Variants in PON1 observed in about 807,000 individuals in gnomAD.
PON1 encodes the protein paraoxonase 1.
In PON1, 37 loss-of-function variants were observed where a neutral mutation model predicts 39.2. That is an observed-to-expected ratio of 0.94 (90% CI 0.73 to 1.24). PON1 has a LOEUF of 1.24. Ranked by LOEUF, PON1 falls within the 50% of genes most tolerant of loss-of-function variation. The pLI is 0.00. For missense variants in PON1, 397 were observed against 413.5 expected (o/e 0.96, Z 0.35); for synonymous variants, 148 against 152.2 (o/e 0.97, Z 0.21).
At chr7:95,307,942 A>C (rs1807574581) in intron 6 of PON1, 69 bp downstream of exon 6, 1 of 1,417,066 alleles carries the variant, frequency 7.1e-7, no homozygotes, top group South Asian at 1.2e-5. Context: ...TTACTTAAAA[A>C]AAGAATATAT....
intron 1 of PON1, among the ~76,000 whole-genome samples, chr7:95,322,455 G>T (rs1041210593): frequency 5.9e-5 from 9 of 151,976 alleles, no homozygotes; most frequent in Non-Finnish European, 2.9e-5. Flanking sequence ...TAACTTGAAA[G>T]TTGCAGAAAT....
In PON1 at chr7:95,312,934, A is replaced by G. The variant is rs544244561; in HGVS notation, c.371-1357T>C. On this transcript the variant is annotated intron_variant, in intron 4 of 8. Coordinates refer to ENST00000222381, the MANE Select transcript of PON1 (RefSeq NM_000446.7). ...GGGAGAGTGAGAGGGCTGAAACCAC[A>G]GGGAGCCAGAATCAGTCTTGTTAGG... Among the ~76,000 whole-genome samples, 3 of 152,364 alleles carry G rather than the reference A, an allele frequency of 2.0e-5. No homozygotes were observed. In the South Asian group the frequency reaches 6.2e-4, roughly 32 times the overall value.
At chr7:95,316,493 T>A (rs879033897) in intron 3 of PON1, among the ~76,000 whole-genome samples, 1 of 152,184 alleles carries the variant, frequency 6.6e-6, no homozygotes, top group South Asian at 2.1e-4. Flanking sequence ...ACAAAAAAAT[T>A]GCTGCAATAG....
chr7:95,324,425 G>C lies in PON1; in HGVS notation c.51C>G (p.Phe17Leu), dbSNP rs763313991. The change falls in exon 1 of 9, where the codon TTC (phenylalanine) becomes TTG (leucine). Residue 17 changes from phenylalanine (F) to leucine (L), a missense_variant. Coordinates refer to ENST00000222381, the MANE Select transcript of PON1 (RefSeq NM_000446.7). ...ACTGGTAAGAAGACTGGTGGTTCCT[G>C]AAGAGTGCCAGTCCCATCCCCAAGA... ...LTLLGMGLAL[F>L]RNHQSSYQTR... 1.2e-6 allele frequency: 2 copies of C among 1,614,204 alleles called. No individual in the cohort carries two copies. The highest frequency in any genetic ancestry group is 1.7e-5 in the Admixed American group (1 of 60,034).
intron 8 of PON1, among the ~76,000 whole-genome samples, chr7:95,301,772 T>C (rs1232915332): frequency 6.6e-6 from 1 of 151,748 alleles, no homozygotes; most frequent in East Asian, 1.9e-4. Flanking sequence ...TCTATCCATG[T>C]CCCCCCTTTT....
At chr7:95,311,608 A>T in intron 4 of PON1, 31 bp from the exon 5 acceptor site, 1 of 1,613,592 alleles carries the variant, frequency 6.2e-7, no homozygotes. Flanking sequence ...AAAATGAAAC[A>T]TTAACTAAGC....
At chr7:95,307,535 A>G (rs970851352) in intron 6 of PON1, among the ~76,000 whole-genome samples, 8 of 152,250 alleles carry the variant, frequency 5.3e-5, no homozygotes, top group Non-Finnish European at 1.0e-4. Context: ...ATGAGATAAC[A>G]TTATAAATCA....
intron 5 of PON1, among the ~76,000 whole-genome samples, 155 bp from the exon 6 acceptor site, chr7:95,308,366 T>A (rs576780277): frequency 1.5e-5 from 2 of 136,450 alleles, no homozygotes; most frequent in Non-Finnish European, 3.0e-5. Flanking sequence ...ATGAAATTAG[T>A]CCTGCCGATA....
chr7:95,301,923 T>TA lies in PON1; in HGVS notation c.909+281dup, dbSNP rs10638749. Among the ~76,000 whole-genome samples, 64,206 of 135,460 alleles carry TA rather than the reference T, an allele frequency of 0.47. 15,778 individuals carry two copies. The highest frequency in any genetic ancestry group is 0.83 in the East Asian group (3,747 of 4,512). 88.9% of individuals were successfully genotyped at this position (135,460 alleles called of 152,430 possible). A position where few individuals can be genotyped will look rare whatever the true frequency, so the allele number is the denominator to read the frequency against. ...CAACAGGATGAAACCCTGTCTCTACTAAAAAAAAAAAAAAATACAAAAAAT... is the reference window on the plus strand; with the variant it reads ...CAACAGGATGAAACCCTGTCTCTACTAAAAAAAAAAAAAAAATACAAAAAAT... On this transcript the variant is annotated intron_variant, in intron 8 of 8. Transcript: ENST00000222381.
At chr7:95,309,860 C>A (rs184689850) in intron 5 of PON1, among the ~76,000 whole-genome samples, 59 of 152,112 alleles carry the variant, frequency 3.9e-4, no homozygotes, top group African/African-American at 1.4e-3. Flanking sequence ...TTATAAAAAA[C>A]CATAAAATAC....
intron 7 of PON1, among the ~76,000 whole-genome samples, chr7:95,304,324 T>C (rs1807494446): frequency 6.9e-6 from 1 of 144,020 alleles, no homozygotes; most frequent in African/African-American, 2.7e-5. Context: ...CAGAACTTCA[T>C]TCCTTTTTTT....
intron 1 of PON1, among the ~76,000 whole-genome samples, chr7:95,324,102 G>C (rs1042984795): frequency 6.6e-6 from 1 of 152,194 alleles, no homozygotes. Flanking sequence ...GTTGAGAAGT[G>C]AATCTGTAGC....
At chr7:95,317,705 C>T (rs854561) in intron 2 of PON1, among the ~76,000 whole-genome samples, 43,593 of 151,886 alleles carry the variant, frequency 0.29, 7,009 homozygotes, top group Middle Eastern at 0.43. Context: ...CGGGGACTCT[C>T]CTTGTTGGTT....
At chr7:95,315,977 G>A (rs1159954003) in intron 3 of PON1, among the ~76,000 whole-genome samples, 1 of 152,144 alleles carries the variant, frequency 6.6e-6, no homozygotes, top group African/African-American at 2.4e-5. Flanking sequence ...TATATATTGT[G>A]TTCCCATATA....
At chr7:95,311,030 C>T (rs944458766) in intron 5 of PON1, among the ~76,000 whole-genome samples, 5 of 152,168 alleles carry the variant, frequency 3.3e-5, no homozygotes, top group Admixed American at 3.3e-4. Flanking sequence ...CTTAGATGCA[C>T]TTGATTCAGG....
chr7:95,308,231 A>G lies in PON1; in HGVS notation c.498-20T>C, dbSNP rs962865343. 7.5e-6 allele frequency: 12 copies of G among 1,599,902 alleles called. No individual in the cohort carries two copies. Among genetic ancestry groups the G allele is most frequent in the African/African-American group, 1.3e-5 (1 of 74,528 alleles). The stretch of plus-strand genomic sequence containing the variant: ...TTCAAACTGCAATTAAAACATACAC[A>G]CATAATATATAAGGTGAAGGTATTG... On this transcript the variant is annotated intron_variant, in intron 5 of 8. Coordinates refer to ENST00000222381, the MANE Select transcript of PON1 (RefSeq NM_000446.7).
At chr7:95,302,793 T>A (rs1157309570) in intron 7 of PON1, among the ~76,000 whole-genome samples, 2 of 152,212 alleles carry the variant, frequency 1.3e-5, no homozygotes, top group African/African-American at 2.4e-5. Flanking sequence ...AATCATAGGC[T>A]GTGCAGCCAG....
intron 7 of PON1, among the ~76,000 whole-genome samples, chr7:95,304,327 CTTTTTTTT>C (rs34709624): frequency 3.7e-5 from 4 of 109,512 alleles, no homozygotes; most frequent in Admixed American, 2.0e-4. Flanking sequence ...AACTTCATTC[CTTTTTTTT>C]TTTTTTTTTT....
At chr7:95,312,146 A>G (rs997426303) in intron 4 of PON1, among the ~76,000 whole-genome samples, 4 of 152,214 alleles carry the variant, frequency 2.6e-5, no homozygotes, top group African/African-American at 9.6e-5. Flanking sequence ...CTTAAGAAAG[A>G]GTAGGTCTTT....
Sources: allele counts gnomAD v4.1 joint callset (sites outside exome capture counted in the v4.1 genomes callset), GRCh38; gene constraint gnomAD v4.1.1; transcripts MANE v1.5; gene names NCBI Gene and HGNC (gene_info 2026-07-23, HGNC 2026-07-21).